GRAMD1B: variants seen among roughly 807,000 people sequenced by gnomAD.
GRAMD1B encodes the protein GRAM domain containing 1B.
In GRAMD1B, 37 loss-of-function variants were observed where a neutral mutation model predicts 99.7. The ratio of observed to expected loss-of-function variants is 0.37; its 90% confidence interval spans 0.29 to 0.49. The LOEUF is 0.49. Ranked by LOEUF, GRAMD1B falls within the 20% of genes least tolerant of loss-of-function variation. GRAMD1B has a pLI of 0.98. For missense variants in GRAMD1B, 888 were observed against 1,009.2 expected (o/e 0.88, Z 1.63); for synonymous variants, 427 against 387.6 (o/e 1.10, Z -1.19).
chr11:123,428,281 C>T (rs954719134), upstream of GRAMD1B, among the ~76,000 whole-genome samples: 15 of 152,070 alleles, frequency 9.9e-5, no homozygotes, highest in African/African-American at 1.5e-4. Flanking sequence ...GCTTAGCTCC[C>T]GATCCTGAAG....
At chr11:123,388,949 T>A (rs1947173490) in intron 1 of GRAMD1B, among the ~76,000 whole-genome samples, 1 of 152,126 alleles carries the variant, frequency 6.6e-6, no homozygotes, top group Non-Finnish European at 1.5e-5. Flanking sequence ...AGTCCGGGGA[T>A]CAAGGTCAAC....
At chr11:123,598,891 TC>T in intron 7 of GRAMD1B, 1 of 1,326,514 alleles carries the variant, frequency 7.5e-7, no homozygotes, top group Admixed American at 1.7e-5. Flanking sequence ...TCAAGCAGCA[TC>T]TCTAGGTATC....
rs1427051890 is a variant in GRAMD1B at position 123,578,579 on chromosome 11, CG to C, written c.663+1004del. 6.1e-6 allele frequency: 4 copies of C among 659,982 alleles called. No homozygotes were observed. The African/African-American group carries it at 7.2e-5, about 12-fold the overall frequency. The allele number at this position is 659,982 out of a possible 1,614,324, so 40.9% of individuals were successfully genotyped here. ...CAGAAGGGCCGGCCCCACTGTCCCC[CG>C]GCAGGCTGGCTTGGAAGTCATTGAA... On this transcript the variant is annotated intron_variant, in intron 3 of 19. Transcript: ENST00000635736.
intron 1 of GRAMD1B, among the ~76,000 whole-genome samples, chr11:123,415,205 C>T (rs376022341): frequency 5.6e-5 from 8 of 141,872 alleles, no homozygotes; most frequent in South Asian, 2.2e-4. Context: ...CAGGTTCAAG[C>T]GATTCTCTTG....
intron 2 of GRAMD1B, among the ~76,000 whole-genome samples, chr11:123,513,736 A>G (rs1397847686): frequency 6.6e-6 from 1 of 150,898 alleles, no homozygotes. Context: ...GGCTCACTGC[A>G]ACCTCAACTT....
At chr11:123,456,149 T>C (rs1215933862) in intron 1 of GRAMD1B, among the ~76,000 whole-genome samples, 1 of 152,100 alleles carries the variant, frequency 6.6e-6, no homozygotes, top group African/African-American at 2.4e-5. Context: ...TACTCCAGCC[T>C]GGGCGACAGA....
intron 1 of GRAMD1B, among the ~76,000 whole-genome samples, chr11:123,477,825 A>T (rs1370822229): frequency 4.4e-5 from 6 of 135,170 alleles, no homozygotes; most frequent in Non-Finnish European, 9.2e-5. Context: ...CCCAGGCTGG[A>T]GTGTAGTGGC....
chr11:123,374,011 C>T (rs1033257470), intron 1 of GRAMD1B, among the ~76,000 whole-genome samples: 3 of 152,202 alleles, frequency 2.0e-5, no homozygotes, highest in South Asian at 2.1e-4. Context: ...TAGCTAGCTA[C>T]TCAGACATGC....
At chr11:123,464,798 C>T (rs1950588339) in intron 1 of GRAMD1B, among the ~76,000 whole-genome samples, 1 of 152,138 alleles carries the variant, frequency 6.6e-6, no homozygotes, top group African/African-American at 2.4e-5. Context: ...TAATATAACT[C>T]AGTGATAGAT....
chr11:123,397,378 G>A (rs973951977), intron 1 of GRAMD1B, among the ~76,000 whole-genome samples: 2 of 151,940 alleles, frequency 1.3e-5, no homozygotes, highest in Non-Finnish European at 2.9e-5. Context: ...TTGCACTCCA[G>A]CCTGGGTGAC....
chr11:123,594,670 C>A, intron 5 of GRAMD1B, 65 bp from the exon 6 acceptor site: 2 of 823,186 alleles, frequency 2.4e-6, no homozygotes, highest in Non-Finnish European at 2.2e-6. Flanking sequence ...GACATGCCTA[C>A]TCTGCAGTGG....
At chr11:123,517,707 C>T (rs1312459466) in intron 2 of GRAMD1B, among the ~76,000 whole-genome samples, 1 of 152,196 alleles carries the variant, frequency 6.6e-6, no homozygotes, top group Admixed American at 6.5e-5. Flanking sequence ...GTCCTATCAT[C>T]GAACAATTTC....
intron 1 of GRAMD1B, among the ~76,000 whole-genome samples, chr11:123,416,576 G>A (rs1345190538): frequency 6.6e-6 from 1 of 152,170 alleles, no homozygotes; most frequent in Non-Finnish European, 1.5e-5. Flanking sequence ...TGTATGAGTA[G>A]GGAGCTACTG....
intron 2 of GRAMD1B, among the ~76,000 whole-genome samples, chr11:123,494,719 A>C (rs1271213034): frequency 6.6e-6 from 1 of 152,124 alleles, no homozygotes; most frequent in Non-Finnish European, 1.5e-5. Flanking sequence ...GATTTGGACA[A>C]CTGGCAGGAT....
intron 17 of GRAMD1B, chr11:123,618,194 G>A (rs527926981): frequency 1.5e-4 from 104 of 703,104 alleles, no homozygotes; most frequent in African/African-American, 1.3e-3. Context: ...TTGCTGGGTC[G>A]TCTCATCCAT....
intron 1 of GRAMD1B, among the ~76,000 whole-genome samples, chr11:123,479,286 G>T (rs1460379212): frequency 6.6e-6 from 1 of 152,194 alleles, no homozygotes. Context: ...TTTACTTCTT[G>T]CTGGAAGAAC....
rs1233105139 is a variant in GRAMD1B at position 123,619,149 on chromosome 11, C to T, written c.2469C>T (p.Ser823=). The change falls in exon 19 of 20, where the codon TCC becomes TCT. Residue 823 remains serine, a synonymous_variant. Transcript: ENST00000635736. The part of the protein sequence containing the change: ...SQTEWAQLLE[S]QQKYHDTELQ... ...CAGAATGGGCCCAGCTCTTAGAGTC[C>T]CAACAAAAGTACCACGATACTGAGC... is the stretch of plus-strand genomic sequence containing the variant. The T allele has an allele frequency of 6.4e-7, 1 of 1,570,148 alleles. No homozygotes were observed. Among genetic ancestry groups the T allele is most frequent in the South Asian group, 1.2e-5 (1 of 84,994 alleles).
intron 2 of GRAMD1B, among the ~76,000 whole-genome samples, chr11:123,571,859 T>C (rs984139235): frequency 4.6e-5 from 7 of 152,142 alleles, no homozygotes; most frequent in Admixed American, 3.9e-4. Context: ...TTGAACCCCG[T>C]ACCCTTCACC....
chr11:123,535,153 T>C (rs1315889242), intron 2 of GRAMD1B, among the ~76,000 whole-genome samples: 1 of 152,076 alleles, frequency 6.6e-6, no homozygotes, highest in Non-Finnish European at 1.5e-5. Flanking sequence ...GGCAGGACGC[T>C]TGGGGCTGAG....
Sources: gnomAD v4.1 joint callset for allele counts (sites outside exome capture counted in the v4.1 genomes callset) on GRCh38, gnomAD v4.1.1 for gene constraint, MANE v1.5 for transcripts, NCBI Gene and HGNC (gene_info 2026-07-23, HGNC 2026-07-21) for gene names.